Variants in SLC7A1 observed in about 807,000 individuals in gnomAD.
SLC7A1 encodes the protein solute carrier family 7 member 1, also known as high affinity cationic amino acid transporter 1.
Under a neutral mutation model 53.9 loss-of-function variants are expected in SLC7A1, and 10 were observed. That is an observed-to-expected ratio of 0.19 (90% CI 0.11 to 0.31). SLC7A1 has a LOEUF of 0.31. Among genes scored for constraint, SLC7A1 ranks in the 10% least tolerant of loss-of-function variants. SLC7A1 has a pLI of 1.00. For missense variants in SLC7A1, 525 were observed against 827.2 expected (o/e 0.63, Z 4.48); for synonymous variants, 342 against 338.7 (o/e 1.01, Z -0.11).
intron 2 of SLC7A1, among the ~76,000 whole-genome samples, chr13:29,551,189 G>A (rs1467736890): frequency 6.6e-6 from 1 of 152,202 alleles, no homozygotes; most frequent in Admixed American, 6.5e-5. Context: ...AGTCTGGAAA[G>A]AAAGAAGCAA....
At chr13:29,592,232 C>G (rs555017885) in intron 1 of SLC7A1, among the ~76,000 whole-genome samples, 6 of 152,320 alleles carry the variant, frequency 3.9e-5, no homozygotes, top group African/African-American at 1.4e-4. Flanking sequence ...AGTGTGTTCA[C>G]CAAATGCAAT....
intron 1 of SLC7A1, among the ~76,000 whole-genome samples, chr13:29,585,625 C>G (rs1479342383): frequency 2.6e-5 from 4 of 152,150 alleles, no homozygotes; most frequent in Admixed American, 2.6e-4. Context: ...AACCAGTAGT[C>G]CCATCCCAAA....
chr13:29,574,087 G>A (rs904367001), intron 1 of SLC7A1, among the ~76,000 whole-genome samples: 1 of 152,224 alleles, frequency 6.6e-6, no homozygotes, highest in African/African-American at 2.4e-5. Context: ...GACACCACAG[G>A]GGGTGAGGAC....
At chr13:29,514,633 C>A in intron 12 of SLC7A1, 50 bp from the exon 13 acceptor site, 1 of 1,417,898 alleles carries the variant, frequency 7.1e-7, no homozygotes, top group Non-Finnish European at 9.7e-7. Flanking sequence ...GGTTGCACCA[C>A]CGCAGGCAGG....
At chr13:29,548,294 G>C (rs551175037) in intron 2 of SLC7A1, among the ~76,000 whole-genome samples, 7 of 152,248 alleles carry the variant, frequency 4.6e-5, no homozygotes, top group African/African-American at 1.7e-4. Context: ...AGGCACACAC[G>C]GTTAGGAGCT....
rs1376609998 is a variant in SLC7A1 at position 29,510,396 on chromosome 13, G to A, written c.*4084C>T. Reference sequence around the variant, plus strand: ...AGCTTCTTGCACCACTGGATCAACAGTAATCAATTTCATGACTCGGATAAG... The same window carrying A: ...AGCTTCTTGCACCACTGGATCAACAATAATCAATTTCATGACTCGGATAAG... On this transcript the variant is annotated 3_prime_UTR_variant, in exon 13 of 13. Coordinates refer to ENST00000380752, the MANE Select transcript of SLC7A1 (RefSeq NM_003045.5). The A allele has an allele frequency of 6.6e-6, 1 of 152,554 alleles. No individual in the cohort carries two copies. Among genetic ancestry groups the A allele is most frequent in the South Asian group, 2.1e-4 (1 of 4,830 alleles). 9.5% of individuals were successfully genotyped at this position (152,554 alleles called of 1,614,324 possible). A position where few individuals can be genotyped will look rare whatever the true frequency, so the allele number is the denominator to read the frequency against.
chr13:29,572,207 T>C (rs911105823), intron 1 of SLC7A1, among the ~76,000 whole-genome samples: 1 of 152,222 alleles, frequency 6.6e-6, no homozygotes, highest in Non-Finnish European at 1.5e-5. Flanking sequence ...GTCTAGGCCA[T>C]CTGGTCCCAC....
At chr13:29,518,078 A>C (rs1399747946) in intron 9 of SLC7A1, among the ~76,000 whole-genome samples, 1 of 152,232 alleles carries the variant, frequency 6.6e-6, no homozygotes, top group Non-Finnish European at 1.5e-5. Flanking sequence ...TGCTCTGAGA[A>C]GTGGCAGCGG....
chr13:29,593,792 CAT>C (rs1872200391), intron 1 of SLC7A1, among the ~76,000 whole-genome samples: 1 of 151,722 alleles, frequency 6.6e-6, no homozygotes, highest in African/African-American at 2.4e-5. Flanking sequence ...AGCAAGTAAT[CAT>C]ATGTACAGGA....
intron 2 of SLC7A1, among the ~76,000 whole-genome samples, chr13:29,544,909 C>A (rs1251122754): frequency 6.6e-6 from 1 of 151,690 alleles, no homozygotes; most frequent in Non-Finnish European, 1.5e-5. Context: ...CAACTCGGCC[C>A]CCTCAAGATG....
intron 2 of SLC7A1, among the ~76,000 whole-genome samples, chr13:29,550,902 C>T (rs548727447): frequency 6.6e-6 from 1 of 152,326 alleles, no homozygotes; most frequent in African/African-American, 2.4e-5. Context: ...TTCATTTGCT[C>T]ACTGAATCCT....
At chr13:29,574,496 C>A (rs969418368) in intron 1 of SLC7A1, among the ~76,000 whole-genome samples, 1 of 152,194 alleles carries the variant, frequency 6.6e-6, no homozygotes, top group South Asian at 2.1e-4. Flanking sequence ...TAGGAGCTCA[C>A]CCAATACCTG....
At chr13:29,541,023 G>C (rs1369948203) in intron 2 of SLC7A1, among the ~76,000 whole-genome samples, 3 of 152,150 alleles carry the variant, frequency 2.0e-5, no homozygotes, top group Non-Finnish European at 4.4e-5. Context: ...GCACAGAAGG[G>C]GCAGGGCTCA....
At chr13:29,522,624 T>A (rs1868680101) in intron 7 of SLC7A1, among the ~76,000 whole-genome samples, 168 bp from the exon 8 acceptor site, 1 of 152,182 alleles carries the variant, frequency 6.6e-6, no homozygotes, top group Admixed American at 6.5e-5. Context: ...TGGCATTTAA[T>A]AAATCAATCC....
At chr13:29,576,459 A>G (rs1404774765) in intron 1 of SLC7A1, among the ~76,000 whole-genome samples, 3 of 152,172 alleles carry the variant, frequency 2.0e-5, no homozygotes, top group Non-Finnish European at 2.9e-5. Context: ...CTTGCATTGT[A>G]TCACTGTTTC....
At chr13:29,552,375 G>A (rs949197588) in intron 2 of SLC7A1, among the ~76,000 whole-genome samples, 1 of 152,072 alleles carries the variant, frequency 6.6e-6, no homozygotes. Flanking sequence ...ATGGAAAAAT[G>A]ACCAGAGCAA....
At chr13:29,546,180 G>C (rs2139124114) in intron 2 of SLC7A1, among the ~76,000 whole-genome samples, 1 of 152,300 alleles carries the variant, frequency 6.6e-6, no homozygotes, top group African/African-American at 2.4e-5. Flanking sequence ...CAGCGTCAGT[G>C]AGCCAGAACC....
chr13:29,516,461 G>A (rs952053603), intron 11 of SLC7A1, among the ~76,000 whole-genome samples: 1 of 152,212 alleles, frequency 6.6e-6, no homozygotes, highest in Non-Finnish European at 1.5e-5. Flanking sequence ...ATCTTAGTAG[G>A]TGGGGATTTG....
intron 1 of SLC7A1, among the ~76,000 whole-genome samples, chr13:29,555,181 A>G (rs1273760678): frequency 6.7e-6 from 1 of 148,182 alleles, no homozygotes; most frequent in Non-Finnish European, 1.5e-5. Flanking sequence ...AAATGGTGAA[A>G]CCCCGTCTCT....
Sources: allele counts gnomAD v4.1 joint callset (sites outside exome capture counted in the v4.1 genomes callset), GRCh38; gene constraint gnomAD v4.1.1; transcripts MANE v1.5; gene names NCBI Gene and HGNC (gene_info 2026-07-23, HGNC 2026-07-21).